The following ST3GAL6 variants were observed in gnomAD, a reference collection of about 807,000 sequenced individuals.
ST3GAL6 encodes the protein type 2 lactosamine alpha-2,3-sialyltransferase.
ST3GAL6 carries 31 observed loss-of-function variants against 40.5 expected under a neutral mutation model. That is an observed-to-expected ratio of 0.77 (90% confidence interval 0.58 to 1.03). The LOEUF (loss-of-function observed/expected upper bound fraction) is 1.03. Ranked by LOEUF, ST3GAL6 falls within the 50% of genes least tolerant of loss-of-function variation. The pLI is 0.00. For missense variants in ST3GAL6, 357 were observed against 393.2 expected, an observed-to-expected ratio of 0.91 and a Z score of 0.78; for synonymous variants, 129 against 136.9, an observed-to-expected ratio of 0.94 and a Z score of 0.40.
chr3:98,788,047 G>T lies in ST3GAL6; in HGVS notation c.443G>T (p.Gly148Val), dbSNP rs754064445. ...SYDVIIRMNN[G>V]PVLGHEEEVG... ...TTTACTATCCACAGAATGAATAATG[G>T]TCCTGTTTTAGGACATGAAGAAGAA... The change falls in exon 7 of 10, where the codon GGT (glycine) becomes GTT (valine). Residue 148 changes from glycine to valine, a missense_variant. Coordinates refer to ENST00000483910, the MANE Select transcript of ST3GAL6 (RefSeq NM_001323368.2). The T allele has an allele frequency of 6.2e-7, 1 of 1,613,024 alleles. No individual in the cohort carries two copies. Among genetic ancestry groups the T allele is most frequent in the Admixed American group, 1.7e-5 (1 of 59,880 alleles).
chr3:98,793,107 C>A (rs1483475835), intron 9 of ST3GAL6, among the ~76,000 whole-genome samples: 3 of 152,102 alleles, frequency 2.0e-5, no homozygotes, highest in Admixed American at 6.5e-5. Context: ...TTAAGTATTT[C>A]AAGAATGAGG....
chr3:98,783,433 T>G (rs73858627), intron 5 of ST3GAL6: 212 of 436,624 alleles, frequency 4.9e-4, no homozygotes, highest in African/African-American at 4.4e-3. Context: ...TTGTTCAGTG[T>G]CCCCTTGCCG....
At chr3:98,772,152 A>AC (rs35352162) in intron 3 of ST3GAL6, 1 of 152,008 alleles carries the variant, frequency 6.6e-6, no homozygotes, top group Non-Finnish European at 1.5e-5. Flanking sequence ...TTATTCAGCA[A>AC]TATGTAAGTC....
intron 8 of ST3GAL6, among the ~76,000 whole-genome samples, chr3:98,791,415 G>A (rs1941196836): frequency 1.3e-5 from 2 of 152,178 alleles, no homozygotes; most frequent in Non-Finnish European, 2.9e-5. Flanking sequence ...CTTTTATCAT[G>A]ATTCCATCCG....
intron 5 of ST3GAL6, among the ~76,000 whole-genome samples, chr3:98,779,038 C>T (rs1191750058): frequency 6.6e-6 from 1 of 152,152 alleles, no homozygotes; most frequent in African/African-American, 2.4e-5. Flanking sequence ...GGACTGTGTA[C>T]AACTTGCACA....
chr3:98,750,254 A>C (rs1439024286), intron 1 of ST3GAL6, among the ~76,000 whole-genome samples: 1 of 152,222 alleles, frequency 6.6e-6, no homozygotes, highest in Non-Finnish European at 1.5e-5. Context: ...ATGGAAGTGA[A>C]ACATCTCTTC....
chr3:98,779,891 G>T (rs1161224475), intron 5 of ST3GAL6, among the ~76,000 whole-genome samples: 2 of 152,180 alleles, frequency 1.3e-5, no homozygotes, highest in South Asian at 2.1e-4. Flanking sequence ...ATTCTAAAAT[G>T]CACAGCCTGT....
chr3:98,738,392 G>A (rs1353331212), intron 1 of ST3GAL6, among the ~76,000 whole-genome samples: 1 of 151,884 alleles, frequency 6.6e-6, no homozygotes, highest in Non-Finnish European at 1.5e-5. Context: ...TACCATCTCA[G>A]CCTCCTAGGT....
At chr3:98,787,477 C>T (rs192275761) in intron 6 of ST3GAL6, among the ~76,000 whole-genome samples, 3 of 152,310 alleles carry the variant, frequency 2.0e-5, no homozygotes, top group Admixed American at 1.3e-4. Flanking sequence ...ACAGTAGATC[C>T]TTTGTGGTTC....
intron 1 of ST3GAL6, among the ~76,000 whole-genome samples, chr3:98,735,654 T>C (rs1201607883): frequency 6.6e-6 from 1 of 152,236 alleles, no homozygotes; most frequent in Non-Finnish European, 1.5e-5. Context: ...ACCCTCACAG[T>C]TGAAATGAAA....
intron 5 of ST3GAL6, 31 bp downstream of exon 5, chr3:98,774,014 T>A: frequency 6.4e-7 from 1 of 1,561,178 alleles, no homozygotes; most frequent in East Asian, 2.2e-5. Flanking sequence ...CTAGTCTGGC[T>A]TTTAGCTTCA....
chr3:98,762,054 G>T (rs1937830244), upstream of ST3GAL6, among the ~76,000 whole-genome samples: 1 of 149,384 alleles, frequency 6.7e-6, no homozygotes, highest in South Asian at 2.2e-4. Context: ...TTAATTAAGT[G>T]AAAAGATCTG....
chr3:98,766,799 G>A (rs965668373), intron 1 of ST3GAL6, among the ~76,000 whole-genome samples: 4 of 152,112 alleles, frequency 2.6e-5, no homozygotes, highest in Non-Finnish European at 5.9e-5. Context: ...TTTGGCCCAT[G>A]GTAAACTGCC....
At chr3:98,732,611 C>A (rs924218252) in intron 1 of ST3GAL6, 160 of 461,626 alleles carry the variant, frequency 3.5e-4, no homozygotes, top group Middle Eastern at 1.7e-3. Context: ...CCACTTTGCA[C>A]CTTCCTCCTC....
In ST3GAL6 at chr3:98,768,472, G is replaced by C; in HGVS notation, c.32G>C (p.Ser11Thr). 1 of 1,613,918 alleles carries C rather than the reference G, an allele frequency of 6.2e-7. No individual in the cohort carries two copies. The highest frequency in any genetic ancestry group is 8.5e-7 in the Non-Finnish European group (1 of 1,179,858). Residue 11 changes from serine (S) to threonine (T), a missense_variant, in exon 2 of 10, where the codon AGT (serine) becomes ACT (threonine). Coordinates refer to ENST00000483910, the MANE Select transcript of ST3GAL6 (RefSeq NM_001323368.2). MRGYLVAIFL[S>T]AVFLYYVLHC... is the part of the protein sequence containing the mutation. ...GGGTATCTTGTGGCCATATTCCTGA[G>C]TGCTGTCTTCCTCTATTATGTACTG...
At chr3:98,788,489 C>G in intron 8 of ST3GAL6, 26 bp downstream of exon 8, 2 of 1,578,230 alleles carry the variant, frequency 1.3e-6, no homozygotes, top group Non-Finnish European at 1.7e-6. Context: ...TGCATGGTTT[C>G]AAACTACAGA....
intron 1 of ST3GAL6, among the ~76,000 whole-genome samples, chr3:98,764,047 G>A (rs1221545222): frequency 1.3e-5 from 2 of 152,164 alleles, no homozygotes; most frequent in African/African-American, 4.8e-5. Context: ...GGGGATGGAG[G>A]AGACAGGGAG....
chr3:98,754,535 TA>T (rs1239114581), intron 1 of ST3GAL6, among the ~76,000 whole-genome samples: 1 of 152,236 alleles, frequency 6.6e-6, no homozygotes, highest in Non-Finnish European at 1.5e-5. Context: ...GAATAGTAGA[TA>T]AATTTAGTTG....
chr3:98,739,703 A>G (rs1935898536), intron 1 of ST3GAL6, among the ~76,000 whole-genome samples: 1 of 152,232 alleles, frequency 6.6e-6, no homozygotes, highest in Non-Finnish European at 1.5e-5. Flanking sequence ...TTCTATGGTT[A>G]GCATAGGGCC....
Sources: allele counts gnomAD v4.1 joint callset (sites outside exome capture counted in the v4.1 genomes callset), GRCh38; gene constraint gnomAD v4.1.1; transcripts MANE v1.5; gene names NCBI Gene and HGNC (gene_info 2026-07-23, HGNC 2026-07-21).